ULK4: variants seen among roughly 807,000 people sequenced by gnomAD.
ULK4 encodes the protein inactive serine/threonine-protein kinase ULK4.
A neutral mutation model predicts 160.6 loss-of-function variants in ULK4; 133 were observed. The observed-to-expected ratio is 0.83, with a 90% CI of 0.72 to 0.96. The LOEUF (loss-of-function observed/expected upper bound fraction) is 0.96. ULK4 is among the 40% of genes least tolerant of loss of function. The probability of loss-of-function intolerance (pLI) is 0.00; values close to 1 mark genes in which losing one functional copy is unlikely to be tolerated. For missense variants in ULK4, 1,580 were observed against 1,499.5 expected, an observed-to-expected ratio of 1.05 and a Z score of -0.89; for synonymous variants, 534 against 539.8, an observed-to-expected ratio of 0.99 and a Z score of 0.15.
intron 19 of ULK4, among the ~76,000 whole-genome samples, chr3:41,808,825 C>T (rs1008475515): frequency 1.3e-5 from 2 of 152,160 alleles, no homozygotes; most frequent in Non-Finnish European, 2.9e-5. Flanking sequence ...CAGTTTAAGT[C>T]TCCTGGGCAC....
chr3:41,343,056 C>A (rs1364110990), intron 35 of ULK4, among the ~76,000 whole-genome samples: 1 of 152,086 alleles, frequency 6.6e-6, no homozygotes, highest in Non-Finnish European at 1.5e-5. Context: ...GACAAACCCA[C>A]AGACAATATC....
At chr3:41,294,459 T>C (rs1307053686) in intron 35 of ULK4, among the ~76,000 whole-genome samples, 4 of 152,208 alleles carry the variant, frequency 2.6e-5, no homozygotes, top group South Asian at 4.1e-4. Flanking sequence ...AACAGATCAT[T>C]TGAGACCAGC....
chr3:41,719,846 T>A (rs558950341), intron 22 of ULK4, among the ~76,000 whole-genome samples: 3 of 152,248 alleles, frequency 2.0e-5, no homozygotes, highest in South Asian at 4.2e-4. Context: ...TTCTTAAAAC[T>A]CCCTATCATG....
chr3:41,583,443 G>A (rs2030537897), intron 31 of ULK4, among the ~76,000 whole-genome samples: 1 of 152,070 alleles, frequency 6.6e-6, no homozygotes, highest in Non-Finnish European at 1.5e-5. Context: ...TCTGCTATCA[G>A]GAAGTAACCA....
chr3:41,891,482 A>AG (rs779172507), intron 16 of ULK4, among the ~76,000 whole-genome samples: 3 of 147,434 alleles, frequency 2.0e-5, no homozygotes, highest in African/African-American at 5.2e-5. Flanking sequence ...CACACAGAAG[A>AG]GGGAAAAAAA....
chr3:41,835,136 G>C (rs188019900), intron 18 of ULK4, among the ~76,000 whole-genome samples: 2 of 152,242 alleles, frequency 1.3e-5, no homozygotes, highest in Non-Finnish European at 2.9e-5. Context: ...TCTGAGCCCA[G>C]GAGGTCGAGG....
At chr3:41,801,059 T>C (rs2040444285) in intron 19 of ULK4, among the ~76,000 whole-genome samples, 1 of 152,088 alleles carries the variant, frequency 6.6e-6, no homozygotes, top group Non-Finnish European at 1.5e-5. Flanking sequence ...ATAGACTTAG[T>C]AGAAAGATAT....
chr3:41,356,572 G>A (rs561272376), intron 35 of ULK4, among the ~76,000 whole-genome samples: 6 of 152,278 alleles, frequency 3.9e-5, no homozygotes, highest in African/African-American at 1.2e-4. Context: ...GACAGGTACA[G>A]TATGATTCCT....
rs189397380 is a variant in ULK4, at chr3:41,265,761, G to A, written c.3679-16187C>T. ...AAGGCAGGGCCACAGCTTTGAGGAC[G>A]TTTTTTGCGAAGCCTTTGAGAGTCT... On this transcript the variant is annotated intron_variant, in intron 35 of 36. Coordinates refer to ENST00000301831, the MANE Select transcript of ULK4 (RefSeq NM_017886.4). Among the ~76,000 whole-genome samples the A allele has an allele frequency of 1.2e-4, 18 of 152,296 alleles. No homozygotes were observed. The East Asian group carries it at 2.3e-3, about 20-fold the overall frequency.
chr3:41,851,228 C>A (rs1005787565), intron 17 of ULK4, among the ~76,000 whole-genome samples: 11 of 152,030 alleles, frequency 7.2e-5, no homozygotes, highest in African/African-American at 2.7e-4. Context: ...ATAGATGGCT[C>A]TTATTATTTT....
Position 41,831,531 on chromosome 3 carries a change from A to ATATATATATATATTTTTT in ULK4, c.1764+4332_1764+4333insAAAAAATATATATATATA. 1.9e-4 allele frequency among the ~76,000 whole-genome samples: 26 copies of ATATATATATATATTTTTT among 138,124 alleles called. No individual in the cohort carries two copies. In the East Asian group the frequency reaches 4.4e-3, roughly 23 times the overall value. The allele number at this position is 138,124 out of a possible 152,430, so 90.6% of individuals were successfully genotyped here. ...TTATTGTTATTTTATATATATATATATTTTTTTTTCTTTCTTAAACTTTAG... is the reference window on the plus strand; with the variant it reads ...TTATTGTTATTTTATATATATATATATATATATATATATTTTTTTTTTTTTTTCTTTCTTAAACTTTAG... On this transcript the variant is annotated intron_variant, in intron 18 of 36. Coordinates refer to ENST00000301831, the MANE Select transcript of ULK4 (RefSeq NM_017886.4).
chr3:41,341,284 A>G (rs1401405619), intron 35 of ULK4, among the ~76,000 whole-genome samples: 1 of 152,238 alleles, frequency 6.6e-6, no homozygotes, highest in Non-Finnish European at 1.5e-5. Flanking sequence ...CTATATAGCC[A>G]GGCCCTGTGA....
chr3:41,826,693 C>A (rs1370950674), intron 18 of ULK4, among the ~76,000 whole-genome samples: 6 of 149,946 alleles, frequency 4.0e-5, no homozygotes, highest in Admixed American at 2.0e-4. Flanking sequence ...GACTTAGACT[C>A]CCACACAATA....
At chr3:41,495,029 C>T (rs2125911125) in intron 32 of ULK4, among the ~76,000 whole-genome samples, 1 of 152,072 alleles carries the variant, frequency 6.6e-6, no homozygotes, top group South Asian at 2.1e-4. Context: ...AGATTCAATG[C>T]CATCCCCATC....
intron 22 of ULK4, among the ~76,000 whole-genome samples, chr3:41,724,393 A>T (rs2037574287): frequency 6.6e-6 from 1 of 152,178 alleles, no homozygotes; most frequent in Non-Finnish European, 1.5e-5. Flanking sequence ...TAAAGTGATC[A>T]TTATGTCAAT....
At chr3:41,667,888 T>A (rs899245644) in intron 29 of ULK4, among the ~76,000 whole-genome samples, 22 of 152,236 alleles carry the variant, frequency 1.4e-4, no homozygotes, top group African/African-American at 5.3e-4. Flanking sequence ...GAAGAGACAG[T>A]CCCCAACTCT....
chr3:41,416,483 G>C (rs2082529815), intron 34 of ULK4, among the ~76,000 whole-genome samples: 1 of 152,110 alleles, frequency 6.6e-6, no homozygotes, highest in East Asian at 1.9e-4. Context: ...TGAAGCATTT[G>C]ATTTTTCAAC....
At chr3:41,761,100 T>C (rs944339589) in intron 21 of ULK4, among the ~76,000 whole-genome samples, 1 of 151,990 alleles carries the variant, frequency 6.6e-6, no homozygotes, top group African/African-American at 2.4e-5. Context: ...TGGAGGGTGG[T>C]TTGCCTAAGA....
At position 41,928,948 on chromosome 3, in the gene ULK4, C is replaced by T. The variant is rs117351757; in HGVS notation, c.541+2896G>A. Among the ~76,000 whole-genome samples, 1,176 of 151,934 alleles carry T rather than the reference C, an allele frequency of 7.7e-3. 45 individuals carry two copies. In the East Asian group the frequency reaches 0.12, roughly 16 times the overall value. The stretch of plus-strand genomic sequence containing the variant: ...GATAACATCCCTTCTGAAACTATTA[C>T]AAACAATATAAAAAGAGGGACTCCT... On this transcript the variant is annotated intron_variant, in intron 5 of 36. Coordinates refer to ENST00000301831, the MANE Select transcript of ULK4 (RefSeq NM_017886.4).
Sources: gnomAD v4.1 joint callset for allele counts (sites outside exome capture counted in the v4.1 genomes callset) on GRCh38, gnomAD v4.1.1 for gene constraint, MANE v1.5 for transcripts, NCBI Gene and HGNC (gene_info 2026-07-23, HGNC 2026-07-21) for gene names.